The following YWHAG variants were observed in gnomAD, a reference collection of about 807,000 sequenced individuals.
YWHAG encodes the protein tyrosine 3-monooxygenase/tryptophan 5-monooxygenase activation protein gamma, also known as 14-3-3 protein gamma.
Under a neutral mutation model 23.3 loss-of-function variants are expected in YWHAG, and 1 was observed. That is an observed-to-expected ratio of 0.04 (90% CI 0.02 to 0.20). The LOEUF is 0.20. Ranked by LOEUF, YWHAG falls within the 10% of genes least tolerant of loss-of-function variation. The pLI is 1.00. For synonymous variants in YWHAG, 160 were observed against 144.0 expected (o/e 1.11, Z -0.80); for missense variants, 151 against 338.6 (o/e 0.45, Z 4.35).
In YWHAG at chr7:76,358,814, C is replaced by A. The variant is rs2115667245; in HGVS notation, c.-6G>T. On this transcript the variant is annotated 5_prime_UTR_variant, in exon 1 of 2. Coordinates refer to ENST00000307630, the MANE Select transcript of YWHAG (RefSeq NM_012479.4). Reference sequence around the variant, plus strand: ...AGTTGCTCGCGGTCCACCATCTTCGCGGGGCTGGGTCTGGCCGGAGAAGGA... The same window carrying A: ...AGTTGCTCGCGGTCCACCATCTTCGAGGGGCTGGGTCTGGCCGGAGAAGGA... 6.3e-7 allele frequency: 1 copy of A among 1,591,054 alleles called. No individual in the cohort carries two copies. Among genetic ancestry groups the A allele is most frequent in the East Asian group, 2.4e-5 (1 of 42,180 alleles).
intron 1 of YWHAG, among the ~76,000 whole-genome samples, chr7:76,337,564 T>C (rs1460835250): frequency 6.6e-6 from 1 of 150,412 alleles, no homozygotes; most frequent in Non-Finnish European, 1.5e-5. Context: ...AGATGTAGTC[T>C]CCCTCTGCCA....
chr7:76,345,957 ATAAG>A (rs1031289875), intron 1 of YWHAG, among the ~76,000 whole-genome samples: 30 of 152,184 alleles, frequency 2.0e-4, no homozygotes, highest in Admixed American at 5.2e-4. Flanking sequence ...AAATTTAAAA[ATAAG>A]TAAGTAAATA....
At chr7:76,335,902 A>G (rs927308629) in intron 1 of YWHAG, among the ~76,000 whole-genome samples, 2 of 152,168 alleles carry the variant, frequency 1.3e-5, no homozygotes, top group Admixed American at 6.5e-5. Flanking sequence ...GTGAGACGAG[A>G]TGGAGCCACT....
intron 1 of YWHAG, among the ~76,000 whole-genome samples, chr7:76,339,796 A>G (rs939423156): frequency 1.3e-5 from 2 of 152,052 alleles, no homozygotes; most frequent in Admixed American, 6.6e-5. Context: ...GCTTTTCTTA[A>G]TAATATTTTC....
intron 1 of YWHAG, among the ~76,000 whole-genome samples, chr7:76,349,283 G>A (rs1803835100): frequency 1.3e-5 from 2 of 150,276 alleles, no homozygotes; most frequent in South Asian, 4.2e-4. Context: ...AGCTTGCAGT[G>A]AGCTGAGATC....
At chr7:76,337,012 C>G (rs955226185) in intron 1 of YWHAG, among the ~76,000 whole-genome samples, 1 of 152,194 alleles carries the variant, frequency 6.6e-6, no homozygotes, top group Non-Finnish European at 1.5e-5. Context: ...ACACGGTTCT[C>G]CTTCATCACA....
intron 1 of YWHAG, among the ~76,000 whole-genome samples, chr7:76,354,326 C>A (rs1371167631): frequency 1.3e-5 from 2 of 152,026 alleles, no homozygotes; most frequent in South Asian, 2.1e-4. Flanking sequence ...GCCTGGCCAA[C>A]ATGGTGAAAC....
rs7809278 is a variant in YWHAG, at chr7:76,358,913, A to G, written c.-105T>C. The stretch of plus-strand genomic sequence containing the variant: ...CAAGTGCCGGAGAGGACCGACCCAC[A>G]GAGCGAGCAGCTGAGGCGGCGGCTG... On this transcript the variant is annotated 5_prime_UTR_variant, in exon 1 of 2. Coordinates refer to ENST00000307630, the MANE Select transcript of YWHAG (RefSeq NM_012479.4). 6.3e-3 allele frequency: 6,880 copies of G among 1,096,620 alleles called. 299 individuals are homozygous for G. The African/African-American group carries it at 0.095, about 15-fold the overall frequency. The allele number at this position is 1,096,620 out of a possible 1,614,324, so 67.9% of individuals were successfully genotyped here. A position where few individuals can be genotyped will look rare whatever the true frequency, so the allele number is the denominator to read the frequency against.
At chr7:76,336,259 T>A (rs1381021695) in intron 1 of YWHAG, among the ~76,000 whole-genome samples, 1 of 152,160 alleles carries the variant, frequency 6.6e-6, no homozygotes, top group African/African-American at 2.4e-5. Context: ...CTCCACAGAA[T>A]GTAGATCACC....
chr7:76,345,433 G>A (rs1803764450), intron 1 of YWHAG, among the ~76,000 whole-genome samples: 2 of 151,700 alleles, frequency 1.3e-5, no homozygotes, highest in African/African-American at 2.4e-5. Flanking sequence ...TGATCCACCC[G>A]CCTCGGCCTC....
rs1803505683 is a variant in YWHAG at position 76,329,359 on chromosome 7, G to A, written c.*218C>T. On this transcript the variant is annotated 3_prime_UTR_variant, in exon 2 of 2. Coordinates refer to ENST00000307630, the MANE Select transcript of YWHAG (RefSeq NM_012479.4). The surrounding 1 kb of genome is among the most constrained non-coding windows in gnomAD (Gnocchi z 6.1). ...TACAGAACAGTCCAGACGCCAGTGT[G>A]AGGCTGCTATTCCAATACCAGCACA... 2 of 593,622 alleles carry A rather than the reference G, an allele frequency of 3.4e-6. No individual in the cohort carries two copies. The highest frequency in any genetic ancestry group is 5.9e-6 in the Non-Finnish European group (2 of 340,360). The allele number at this position is 593,622 out of a possible 1,614,324, so 36.8% of individuals were successfully genotyped here.
chr7:76,349,621 T>A (rs1180471150), intron 1 of YWHAG, among the ~76,000 whole-genome samples: 1 of 152,182 alleles, frequency 6.6e-6, no homozygotes, highest in African/African-American at 2.4e-5. Context: ...CTATGTAAGT[T>A]GTAAAAATTT....
chr7:76,339,959 C>T (rs1803667300), intron 1 of YWHAG, among the ~76,000 whole-genome samples: 1 of 151,970 alleles, frequency 6.6e-6, no homozygotes, highest in Non-Finnish European at 1.5e-5. Flanking sequence ...TGTGGTGGCA[C>T]ACACCTGTAA....
intron 1 of YWHAG, among the ~76,000 whole-genome samples, chr7:76,352,192 G>C (rs1803886319): frequency 6.6e-6 from 1 of 152,162 alleles, no homozygotes; most frequent in African/African-American, 2.4e-5. Context: ...TCCCAGATCT[G>C]GGTTTTTTAA....
rs1035872363 is a variant in YWHAG, at chr7:76,335,806, C to T, written c.88-5573G>A. Among the ~76,000 whole-genome samples the T allele has an allele frequency of 2.6e-5, 4 of 152,148 alleles. No individual in the cohort carries two copies. The East Asian group carries it at 5.8e-4, about 22-fold the overall frequency. ...TCTCTACTAAAAATACAAAAATGAG[C>T]TGGGTGTGGTGTGCATGCCTGTAAT... On this transcript the variant is annotated intron_variant, in intron 1 of 1. Coordinates refer to ENST00000307630, the MANE Select transcript of YWHAG (RefSeq NM_012479.4).
Position 76,358,887 on chromosome 7 carries a change from C to T in YWHAG, c.-79G>A. The T allele has an allele frequency of 2.2e-5, 31 of 1,406,412 alleles. No individual in the cohort carries two copies. The highest frequency in any genetic ancestry group is 3.0e-5 in the Non-Finnish European group (31 of 1,041,518). The allele number at this position is 1,406,412 out of a possible 1,614,324, so 87.1% of individuals were successfully genotyped here. On this transcript the variant is annotated 5_prime_UTR_variant, in exon 1 of 2. Coordinates refer to ENST00000307630, the MANE Select transcript of YWHAG (RefSeq NM_012479.4). The stretch of plus-strand genomic sequence containing the variant: ...AGGGCTTGGAGGGCGCGACTGGAGC[C>T]CAAGTGCCGGAGAGGACCGACCCAC...
intron 1 of YWHAG, among the ~76,000 whole-genome samples, chr7:76,357,873 C>A (rs1338627143): frequency 6.6e-6 from 1 of 152,136 alleles, no homozygotes; most frequent in East Asian, 1.9e-4. Context: ...TTTCAACAGA[C>A]GCGTGCCTGT....
At chr7:76,344,426 T>A (rs898254730) in intron 1 of YWHAG, among the ~76,000 whole-genome samples, 1 of 152,156 alleles carries the variant, frequency 6.6e-6, no homozygotes, top group African/African-American at 2.4e-5. Flanking sequence ...ACAGCTCACC[T>A]AACTCCATAT....
At chr7:76,336,579 A>C (rs541126030) in intron 1 of YWHAG, among the ~76,000 whole-genome samples, 1 of 150,356 alleles carries the variant, frequency 6.7e-6, no homozygotes, top group Non-Finnish European at 1.5e-5. Flanking sequence ...CTCAGCCTCC[A>C]AAGTAGCTGG....
Sources: allele counts gnomAD v4.1 joint callset (sites outside exome capture counted in the v4.1 genomes callset), GRCh38; gene constraint gnomAD v4.1.1; non-coding constraint Gnocchi (gnomAD v3.1); transcripts MANE v1.5; gene names NCBI Gene and HGNC (gene_info 2026-07-23, HGNC 2026-07-21).